The following NUDC variants were observed in gnomAD, a reference collection of about 807,000 sequenced individuals.
The protein encoded by NUDC is nuclear distribution C, dynein complex regulator, also known as nuclear migration protein nudC.
A neutral mutation model predicts 45.0 loss-of-function variants in NUDC; 14 were observed. The ratio of observed to expected loss-of-function variants is 0.31; its 90% CI spans 0.21 to 0.49. The LOEUF is 0.49. Among genes scored for constraint, NUDC ranks in the 20% least tolerant of loss-of-function variants. The probability of loss-of-function intolerance (pLI) is 0.99; values close to 1 mark genes in which losing one functional copy is unlikely to be tolerated. For synonymous variants in NUDC, 153 were observed against 156.7 expected, an observed-to-expected ratio of 0.98 and a Z score of 0.17; for missense variants, 323 against 426.2, an observed-to-expected ratio of 0.76 and a Z score of 2.13.
At chr1:26,907,013 C>T (rs2082005616) in intron 2 of NUDC, among the ~76,000 whole-genome samples, 1 of 152,122 alleles carries the variant, frequency 6.6e-6, no homozygotes, top group African/African-American at 2.4e-5. Flanking sequence ...GAGATCTTAG[C>T]ATTGTCGCCT....
chr1:26,916,683 G>T (rs2082063433), intron 3 of NUDC, among the ~76,000 whole-genome samples: 1 of 151,914 alleles, frequency 6.6e-6, no homozygotes, highest in South Asian at 2.1e-4. Flanking sequence ...AACTGGCCGG[G>T]CACGGTGGCT....
chr1:26,916,399 G>A (rs557383857), intron 3 of NUDC, among the ~76,000 whole-genome samples: 49 of 151,706 alleles, frequency 3.2e-4, no homozygotes, highest in Non-Finnish European at 5.9e-4. Flanking sequence ...AAAAAAAAAC[G>A]AAAAAACCCC....
intron 2 of NUDC, among the ~76,000 whole-genome samples, chr1:26,932,457 G>T (rs1448401325): frequency 1.3e-5 from 2 of 152,038 alleles, no homozygotes; most frequent in Non-Finnish European, 2.9e-5. Flanking sequence ...GGGATTACAG[G>T]TGTGAGCCAC....
chr1:26,900,260 AGCGGCCTGCGGAGGGGCCC>A (rs1195407590), exon 1 of NUDC: 2 of 1,613,866 alleles, frequency 1.2e-6, no homozygotes, highest in African/African-American at 2.7e-5. Context: ...CAGAGTTAGG[AGCGGCCTGCGGAGGGGCCC>A]GCTCAGGCCG....
chr1:26,927,403 T>C (rs1405341622), intron 2 of NUDC, among the ~76,000 whole-genome samples: 2 of 149,838 alleles, frequency 1.3e-5, no homozygotes, highest in African/African-American at 4.9e-5. Flanking sequence ...CTTTTTCTTT[T>C]TTTTTTTTTT....
At chr1:26,905,129 A>G (rs1269666879) in intron 2 of NUDC, among the ~76,000 whole-genome samples, 1 of 139,694 alleles carries the variant, frequency 7.2e-6, no homozygotes, top group Non-Finnish European at 1.5e-5. Flanking sequence ...TGAGCGACTG[A>G]GCCTGGCCTA....
At chr1:26,940,488 T>A (rs928647687) in intron 2 of NUDC, among the ~76,000 whole-genome samples, 9 of 148,784 alleles carry the variant, frequency 6.0e-5, no homozygotes, top group Non-Finnish European at 1.0e-4. Flanking sequence ...AAAAAAAAAA[T>A]TAAAAAAAAA....
upstream of NUDC, chr1:26,900,213 A>C (rs781679776): frequency 1.9e-6 from 3 of 1,614,036 alleles, no homozygotes; most frequent in Non-Finnish European, 2.5e-6. Flanking sequence ...CTGAGAGAGA[A>C]GCTGGCCCTC....
chr1:26,911,828 G>C (rs1424695570), intron 3 of NUDC: 6 of 1,613,966 alleles, frequency 3.7e-6, no homozygotes, highest in Non-Finnish European at 5.1e-6. Flanking sequence ...CCTGATCTCT[G>C]CCTGGGCTGG....
At chr1:26,902,519 C>A (rs1253479708) in intron 2 of NUDC, among the ~76,000 whole-genome samples, 1 of 152,148 alleles carries the variant, frequency 6.6e-6, no homozygotes, top group Non-Finnish European at 1.5e-5. Flanking sequence ...TCAGAGGGTC[C>A]TCCCTGCTGC....
At chr1:26,903,968 G>C (rs949238837) in intron 2 of NUDC, among the ~76,000 whole-genome samples, 1 of 148,840 alleles carries the variant, frequency 6.7e-6, no homozygotes, top group Non-Finnish European at 1.5e-5. Flanking sequence ...CCGAGATCGC[G>C]CCACTGCACT....
intron 1 of NUDC, 116 bp downstream of exon 1, chr1:26,922,045 C>G: frequency 9.3e-7 from 1 of 1,075,930 alleles, no homozygotes; most frequent in Non-Finnish European, 1.4e-6. Flanking sequence ...TGGGATGCCC[C>G]TACATTCTCA....
intron 1 of NUDC, 44 bp downstream of exon 1, chr1:26,921,973 C>T (rs966743192): frequency 7.9e-5 from 121 of 1,531,724 alleles, no homozygotes; most frequent in Non-Finnish European, 1.0e-4. Context: ...GCCTTGGCCA[C>T]GCTCCTTCCG....
At chr1:26,927,376 G>A (rs2082142943) in intron 2 of NUDC, among the ~76,000 whole-genome samples, 1 of 150,922 alleles carries the variant, frequency 6.6e-6, no homozygotes, top group South Asian at 2.1e-4. Flanking sequence ...CCAAAGTGCT[G>A]GGACTACCTA....
chr1:26,945,332 G>A (rs1016807989), intron 6 of NUDC, 58 bp from the exon 7 acceptor site: 67 of 1,412,110 alleles, frequency 4.7e-5, no homozygotes, highest in Non-Finnish European at 6.6e-5. Context: ...AGGGTTAAGG[G>A]GTGATTCCTG....
intron 2 of NUDC, among the ~76,000 whole-genome samples, chr1:26,935,972 AAAT>A (rs1290518922): frequency 1.3e-5 from 2 of 148,962 alleles, no homozygotes; most frequent in African/African-American, 4.9e-5. Context: ...TACAAAAAAA[AAAT>A]GTTTTGTTTT....
At chr1:26,936,607 TG>T (rs762118813) in intron 2 of NUDC, among the ~76,000 whole-genome samples, 174 of 152,098 alleles carry the variant, frequency 1.1e-3, no homozygotes, top group Admixed American at 2.8e-3. Flanking sequence ...CCCGAAGCGC[TG>T]GGATTACAGG....
At chr1:26,941,142 T>C (rs1365444037) in intron 2 of NUDC, among the ~76,000 whole-genome samples, 1 of 149,290 alleles carries the variant, frequency 6.7e-6, no homozygotes, top group African/African-American at 2.5e-5. Context: ...TTTCACCATG[T>C]TGGCCAGGAT....
chr1:26,935,225 G>C (rs976794653), intron 2 of NUDC, among the ~76,000 whole-genome samples: 1 of 148,406 alleles, frequency 6.7e-6, no homozygotes, highest in Non-Finnish European at 1.5e-5. Flanking sequence ...CAGGTGTTCC[G>C]TGCCCCCTTG....
Sources: allele counts gnomAD v4.1 joint callset (sites outside exome capture counted in the v4.1 genomes callset), GRCh38; gene constraint gnomAD v4.1.1; transcripts MANE v1.5; gene names NCBI Gene and HGNC (gene_info 2026-07-23, HGNC 2026-07-21).